MAPK8IP3: variants seen among roughly 807,000 people sequenced by gnomAD.
MAPK8IP3 encodes the protein C-Jun-amino-terminal kinase-interacting protein 3.
A neutral mutation model predicts 157.8 loss-of-function variants in MAPK8IP3; 49 were observed. The ratio of observed to expected loss-of-function variants is 0.31; its 90% CI spans 0.25 to 0.39. MAPK8IP3 has a LOEUF of 0.39. Ranked by LOEUF, MAPK8IP3 falls within the 10% of genes least tolerant of loss-of-function variation. MAPK8IP3 has a pLI of 1.00. For missense variants in MAPK8IP3, 1,478 were observed against 1,889.4 expected, an observed-to-expected ratio of 0.78 and a Z score of 4.04; for synonymous variants, 897 against 777.7, an observed-to-expected ratio of 1.15 and a Z score of -2.55.
At chr16:1,746,694 A>G (rs1412757335) in intron 5 of MAPK8IP3, 1 of 316,310 alleles carries the variant, frequency 3.2e-6, no homozygotes, top group African/African-American at 2.1e-5. Flanking sequence ...GCCACAAGCT[A>G]CAGGGGGCTG....
At chr16:1,740,759 G>A (rs1279905368) in intron 4 of MAPK8IP3, among the ~76,000 whole-genome samples, 8 of 152,244 alleles carry the variant, frequency 5.3e-5, no homozygotes, top group African/African-American at 1.4e-4. Context: ...GCTGGGGGAC[G>A]ACCAGCAGGC....
rs2038707487 is a variant in MAPK8IP3 at position 1,724,064 on chromosome 16, T to G, written c.319-493T>G. On this transcript the variant is annotated intron_variant, in intron 1 of 31. Coordinates refer to ENST00000610761, the MANE Select transcript of MAPK8IP3 (RefSeq NM_001318852.2). This position sits in a 1 kb window ranked among gnomAD's most constrained non-coding sequence, Gnocchi z 4.1. Reference sequence around the variant, plus strand: ...TCAACCTTGTTCTTAGGCGTGGAGTTGAGGGGAGTCAGATGACTCCATTGC... The same window carrying G: ...TCAACCTTGTTCTTAGGCGTGGAGTGGAGGGGAGTCAGATGACTCCATTGC... Among the ~76,000 whole-genome samples the G allele has an allele frequency of 1.3e-5, 2 of 152,130 alleles. No homozygotes were observed. The highest frequency in any genetic ancestry group is 2.9e-5 in the Non-Finnish European group (2 of 68,026).
At position 1,769,967 on chromosome 16, in the gene MAPK8IP3, G is replaced by C. The variant is rs2141968445; in HGVS notation, c.*1143G>C. 1 of 152,470 alleles carries C rather than the reference G, an allele frequency of 6.6e-6. No individual in the cohort carries two copies. Among genetic ancestry groups the C allele is most frequent in the Non-Finnish European group, 1.5e-5 (1 of 68,158 alleles). 9.4% of individuals were successfully genotyped at this position (152,470 alleles called of 1,614,324 possible). A position where few individuals can be genotyped will look rare whatever the true frequency, so the allele number is the denominator to read the frequency against. ...CTCCCTGCCCAGCTGGGCCTCTCTG[G>C]CCTATTCCTACCTTCCAGGCCCACT... On this transcript the variant is annotated 3_prime_UTR_variant, in exon 32 of 32. Transcript: ENST00000610761.
At chr16:1,727,411 C>T (rs182535129) in intron 2 of MAPK8IP3, among the ~76,000 whole-genome samples, 1 of 151,918 alleles carries the variant, frequency 6.6e-6, no homozygotes, top group Admixed American at 6.6e-5. Flanking sequence ...CTGCATGCAG[C>T]GTCTGTGAGT....
intron 5 of MAPK8IP3, chr16:1,744,198 A>C: frequency 1.0e-6 from 1 of 985,596 alleles, no homozygotes; most frequent in African/African-American, 1.7e-5. Context: ...AGGTAAGGAC[A>C]GCCACCTTCC....
intron 2 of MAPK8IP3, among the ~76,000 whole-genome samples, chr16:1,725,448 C>T (rs1883103648): frequency 6.7e-6 from 1 of 150,214 alleles, no homozygotes; most frequent in African/African-American, 2.4e-5. Context: ...GCCAACATGG[C>T]GAAACCCCGT....
At chr16:1,750,471 C>T (rs939671342) in intron 8 of MAPK8IP3, among the ~76,000 whole-genome samples, 6 of 152,102 alleles carry the variant, frequency 3.9e-5, no homozygotes, top group African/African-American at 1.4e-4. Flanking sequence ...CCTCAGGCTC[C>T]CAAAGTACTG....
At chr16:1,729,466 C>G (rs767087337) in intron 3 of MAPK8IP3, 21 bp from the exon 4 acceptor site, 24 of 1,604,534 alleles carry the variant, frequency 1.5e-5, no homozygotes, top group Non-Finnish European at 2.0e-5. Flanking sequence ...AGCGCTAATG[C>G]AGGCGTTTCC....
At position 1,758,272 on chromosome 16, in the gene MAPK8IP3, C is replaced by T. The variant is rs373932778; in HGVS notation, c.1228+113C>T. The T allele has an allele frequency of 2.8e-4, 345 of 1,215,532 alleles. 2 individuals are homozygous for T. In the East Asian group the frequency reaches 5.0e-3, roughly 18 times the overall value. The allele number at this position is 1,215,532 out of a possible 1,614,324, so 75.3% of individuals were successfully genotyped here. On this transcript the variant is annotated intron_variant, in intron 9 of 31. Coordinates refer to ENST00000610761, the MANE Select transcript of MAPK8IP3 (RefSeq NM_001318852.2). The stretch of plus-strand genomic sequence containing the variant: ...TGGCTGTGTGGACTGCCCCCCACGT[C>T]GCCGCAGCGCCTCTGCTTCTGCTCG...
intron 1 of MAPK8IP3, among the ~76,000 whole-genome samples, chr16:1,715,902 T>G (rs2038116231): frequency 6.6e-6 from 1 of 152,020 alleles, no homozygotes; most frequent in Non-Finnish European, 1.5e-5. Context: ...ATTTTTTGTA[T>G]TTTTAGTAGA....
chr16:1,768,315 G>A lies in MAPK8IP3; in HGVS notation c.3679G>A (p.Ala1227Thr). 1 of 1,608,984 alleles carries A rather than the reference G, an allele frequency of 6.2e-7. No homozygotes were observed. Among genetic ancestry groups the A allele is most frequent in the Non-Finnish European group, 8.5e-7 (1 of 1,179,936 alleles). Residue 1227 changes from alanine (A) to threonine (T), a missense_variant, in exon 30 of 32, where the codon GCC (alanine) becomes ACC (threonine). Around this residue, in one of 11 missense-constraint regions of MAPK8IP3, gnomAD observed 83 missense variants for 85.3 expected, o/e 0.97. Transcript: ENST00000610761. ...ASSFIPYCSM[A>T]QAQLCFHGHR... is the part of the protein sequence containing the mutation. The stretch of plus-strand genomic sequence containing the variant: ...CAGCTTCATCCCCTACTGCTCCATG[G>A]CCCAGGCCCAGCTATGCTTCCATGG...
intron 28 of MAPK8IP3, 32 bp from the exon 29 acceptor site, chr16:1,768,037 C>T (rs1567214774): frequency 4.3e-6 from 7 of 1,612,028 alleles, no homozygotes; most frequent in East Asian, 2.2e-5. Flanking sequence ...TGACCGCTCT[C>T]CTCTTCTCCC....
chr16:1,707,562 C>CTTCA (rs1417237413), intron 1 of MAPK8IP3: 1 of 152,310 alleles, frequency 6.6e-6, no homozygotes, highest in Non-Finnish European at 1.5e-5. Context: ...CACCACTTAG[C>CTTCA]TTCATTCATT....
rs1260877551 is a variant in MAPK8IP3 at position 1,729,519 on chromosome 16, G to A, written c.543G>A (p.Arg181=). The A allele has an allele frequency of 4.3e-6, 7 of 1,612,866 alleles. No individual in the cohort carries two copies. Among genetic ancestry groups the A allele is most frequent in the East Asian group, 2.2e-5 (1 of 44,870 alleles). ...AGACCTACGTGGAGCACATTGAGAG[G>A]TCCAAGATGCAGCAGGTCGGAGGAA... is the stretch of plus-strand genomic sequence containing the variant. ...MIQTYVEHIE[R]SKMQQVGGNS... is the part of the protein sequence containing the mutation. Residue 181 remains arginine, a synonymous_variant, in exon 4 of 32, where the codon AGG becomes AGA. Transcript: ENST00000610761.
intron 19 of MAPK8IP3, 135 bp from the exon 20 acceptor site, chr16:1,764,878 G>C (rs1181133415): frequency 2.4e-6 from 2 of 829,076 alleles, no homozygotes; most frequent in Non-Finnish European, 1.9e-6. Context: ...TTCTGGTCCT[G>C]GGGGAGGACA....
chr16:1,718,334 A>C (rs565323589), intron 1 of MAPK8IP3, among the ~76,000 whole-genome samples: 76 of 151,192 alleles, frequency 5.0e-4, no homozygotes, highest in African/African-American at 1.5e-3. Flanking sequence ...ACAGGCATGC[A>C]TCACCATGCC....
At chr16:1,737,089 TGA>T (rs1431748988) in intron 4 of MAPK8IP3, among the ~76,000 whole-genome samples, 6 of 73,208 alleles carry the variant, frequency 8.2e-5, no homozygotes, top group African/African-American at 1.1e-4. Context: ...ACCGTCCGTG[TGA>T]GTGTGACCAT....
chr16:1,744,392 C>G (rs945779093), intron 5 of MAPK8IP3: 1 of 985,720 alleles, frequency 1.0e-6, no homozygotes, highest in African/African-American at 1.7e-5. Context: ...CTCTAAGTGT[C>G]CATCGTGCCT....
At chr16:1,767,766 GT>G in intron 27 of MAPK8IP3, 31 bp downstream of exon 27, 1 of 1,611,842 alleles carries the variant, frequency 6.2e-7, no homozygotes. Flanking sequence ...GGGTGGTGGG[GT>G]GCTCAAGGCC....
Sources: gnomAD v4.1 joint callset for allele counts (sites outside exome capture counted in the v4.1 genomes callset) on GRCh38, gnomAD v4.1.1 for gene constraint, gnomAD v4.1.1 regional missense constraint, Gnocchi (gnomAD v3.1) non-coding constraint, MANE v1.5 for transcripts, NCBI Gene and HGNC (gene_info 2026-07-23, HGNC 2026-07-21) for gene names.